Variants in ZMYM4 observed in about 807,000 individuals in gnomAD.
ZMYM4 encodes zinc finger MYM-type protein 4.
ZMYM4 carries 31 observed loss-of-function variants against 183.2 expected under a neutral mutation model. That is an observed-to-expected ratio of 0.17 (90% CI 0.13 to 0.23). ZMYM4 has a LOEUF of 0.23. Ranked by LOEUF, ZMYM4 falls within the 10% of genes least tolerant of loss-of-function variation. The probability of loss-of-function intolerance (pLI) is 1.00; values close to 1 mark genes in which losing one functional copy is unlikely to be tolerated. For synonymous variants in ZMYM4, 592 were observed against 631.2 expected (o/e 0.94, Z 0.93); for missense variants, 1,273 against 1,840.3 (o/e 0.69, Z 5.64).
At chr1:35,294,186 G>A (rs1382380800) in intron 1 of ZMYM4, among the ~76,000 whole-genome samples, 1 of 151,256 alleles carries the variant, frequency 6.6e-6, no homozygotes, top group African/African-American at 2.4e-5. Flanking sequence ...CTTTCATTCA[G>A]TCTTTTCTCT....
At chr1:35,352,646 C>G (rs974008923) in intron 2 of ZMYM4, among the ~76,000 whole-genome samples, 2 of 152,192 alleles carry the variant, frequency 1.3e-5, no homozygotes, top group Admixed American at 1.3e-4. Flanking sequence ...TCAGTCATCT[C>G]AGCAGCATTC....
chr1:35,325,398 A>G lies in ZMYM4; in HGVS notation c.78A>G (p.Val26=). The change falls in exon 2 of 30, where the codon GTA becomes GTG. Residue 26 remains valine, a synonymous_variant. Transcript: ENST00000314607. ...GTGGTGCAGTTTTTGATGAAATTGT[A>G]GAGAACTGTAAGTACCATTTGAGAA... ...QKSGAVFDEI[V]ENCGGIMDTE... 1 of 1,604,340 alleles carries G rather than the reference A, an allele frequency of 6.2e-7. No individual in the cohort carries two copies. Among genetic ancestry groups the G allele is most frequent in the Non-Finnish European group, 8.5e-7 (1 of 1,175,032 alleles).
chr1:35,308,252 A>G (rs1382047735), intron 1 of ZMYM4, among the ~76,000 whole-genome samples: 2 of 152,184 alleles, frequency 1.3e-5, no homozygotes, highest in East Asian at 1.9e-4. Flanking sequence ...TCAGCCTCCC[A>G]AAGTGCTGGG....
chr1:35,306,701 G>A (rs1641548916), intron 1 of ZMYM4, among the ~76,000 whole-genome samples: 1 of 152,114 alleles, frequency 6.6e-6, no homozygotes, highest in Non-Finnish European at 1.5e-5. Context: ...TATATATTTA[G>A]TTTTATGTCT....
chr1:35,315,918 C>T (rs920462364), intron 1 of ZMYM4, among the ~76,000 whole-genome samples: 1 of 151,852 alleles, frequency 6.6e-6, no homozygotes, highest in Non-Finnish European at 1.5e-5. Context: ...AGAGTGAGTC[C>T]CTGTCTGGGG....
chr1:35,334,282 G>T (rs572138774), intron 2 of ZMYM4, among the ~76,000 whole-genome samples: 4 of 152,126 alleles, frequency 2.6e-5, no homozygotes, highest in Non-Finnish European at 5.9e-5. Context: ...TTATGCCACT[G>T]CACGCCAGCC....
intron 1 of ZMYM4, among the ~76,000 whole-genome samples, chr1:35,274,416 A>G (rs1040770872): frequency 1.3e-5 from 2 of 152,090 alleles, no homozygotes; most frequent in Non-Finnish European, 1.5e-5. Flanking sequence ...ACCATCCTGG[A>G]CAACATAGCA....
Position 35,406,295 on chromosome 1 carries a change from A to G in ZMYM4, c.3796+827A>G, listed in dbSNP as rs115786811. ...AATGTAATCTGTCTGCTCCAAAGCT[A>G]TGTAAATACACTCCTGTTGTGGAGA... On this transcript the variant is annotated intron_variant, in intron 25 of 29. Coordinates refer to ENST00000314607, the MANE Select transcript of ZMYM4 (RefSeq NM_005095.3). Among the ~76,000 whole-genome samples, 366 of 152,314 alleles carry G rather than the reference A, an allele frequency of 2.4e-3. 2 individuals carry two copies. Among genetic ancestry groups the G allele is most frequent in the African/African-American group, 7.8e-3 (324 of 41,562 alleles).
chr1:35,342,491 G>A (rs1460446905), intron 2 of ZMYM4, among the ~76,000 whole-genome samples: 1 of 152,082 alleles, frequency 6.6e-6, no homozygotes, highest in African/African-American at 2.4e-5. Context: ...AACTGTAAGC[G>A]TTTTGTGGGG....
intron 29 of ZMYM4, 141 bp downstream of exon 29, chr1:35,418,713 T>C (rs1030336602): frequency 3.7e-5 from 38 of 1,014,634 alleles, no homozygotes; most frequent in Non-Finnish European, 4.9e-5. Context: ...CATTGTCATA[T>C]CTATGTGGAT....
rs185082857 is a variant in ZMYM4 at position 35,347,380 on chromosome 1, A to C, written c.86-11545A>C. ...GTATGAGCTCTAGTAGAAGTGGTTTATTCTGTTAATGAACTTATGAGAGTA... is the reference window on the plus strand; with the variant it reads ...GTATGAGCTCTAGTAGAAGTGGTTTCTTCTGTTAATGAACTTATGAGAGTA... On this transcript the variant is annotated intron_variant, in intron 2 of 29. Transcript: ENST00000314607. Among the ~76,000 whole-genome samples the C allele has an allele frequency of 9.8e-5, 15 of 152,334 alleles. No homozygotes were observed. The Middle Eastern group carries it at 0.01, about 104-fold the overall frequency.
chr1:35,403,721 A>G (rs1434987630), intron 23 of ZMYM4, among the ~76,000 whole-genome samples: 3 of 137,148 alleles, frequency 2.2e-5, no homozygotes, highest in Admixed American at 1.5e-4. Flanking sequence ...TTCTTTAACT[A>G]TGATAGAATT....
In ZMYM4 at chr1:35,413,952, TTC is replaced by T; in HGVS notation, c.3949-18_3949-17del. ...TTTTCTTTTTATCAACATGTATATT[TTC>T]TTTTTTTTTTCTTGTAGTACCTGTT... On this transcript the variant is annotated intron_variant, in intron 26 of 29. Transcript: ENST00000314607. The T allele has an allele frequency of 3.0e-6, 4 of 1,323,900 alleles. No homozygotes were observed. Among genetic ancestry groups the T allele is most frequent in the South Asian group, 1.3e-5 (1 of 75,564 alleles). 82.0% of individuals were successfully genotyped at this position (1,323,900 alleles called of 1,614,324 possible). A position where few individuals can be genotyped will look rare whatever the true frequency, so the allele number is the denominator to read the frequency against.
intron 26 of ZMYM4, among the ~76,000 whole-genome samples, chr1:35,410,655 A>AT (rs750280057): frequency 2.0e-3 from 258 of 132,174 alleles, no homozygotes; most frequent in East Asian, 8.7e-3. Flanking sequence ...CACCTGGCTC[A>AT]TTTTTTTTTT....
Position 35,405,189 on chromosome 1 carries a change from G to A in ZMYM4, c.3695G>A (p.Cys1232Tyr), listed in dbSNP as rs1304550924. ...NAKEEQGDLK[C>Y]GGVEQASSSP... ...AAGGAAGAGCAGGGGGATCTAAAATGTGGAGGTAAGTGCACAGCATGAATT... is the reference window on the plus strand; with the variant it reads ...AAGGAAGAGCAGGGGGATCTAAAATATGGAGGTAAGTGCACAGCATGAATT... Residue 1232 changes from cysteine (C) to tyrosine (Y), a missense_variant, in exon 24 of 30, where the codon TGT becomes TAT. Transcript: ENST00000314607. The A allele has an allele frequency of 1.2e-6, 2 of 1,613,878 alleles. No individual in the cohort carries two copies. The highest frequency in any genetic ancestry group is 4.5e-5 in the East Asian group (2 of 44,868).
At chr1:35,396,793 T>C (rs1036650227) in intron 19 of ZMYM4, 123 bp downstream of exon 19, 6 of 1,132,400 alleles carry the variant, frequency 5.3e-6, no homozygotes, top group Non-Finnish European at 7.2e-6. Flanking sequence ...TTGGCTGTTA[T>C]CATATTCCCA....
At chr1:35,365,152 A>G (rs1307956882) in intron 5 of ZMYM4, among the ~76,000 whole-genome samples, 4 of 150,964 alleles carry the variant, frequency 2.6e-5, no homozygotes, top group African/African-American at 9.7e-5. Flanking sequence ...GTTAACATTT[A>G]TAGGTGAGAG....
At chr1:35,417,111 C>A (rs1372941411) in intron 28 of ZMYM4, among the ~76,000 whole-genome samples, 1 of 151,976 alleles carries the variant, frequency 6.6e-6, no homozygotes, top group East Asian at 1.9e-4. Context: ...ATGGCTCATG[C>A]TTGTAATCCC....
At chr1:35,300,824 A>G (rs1385380403) in intron 1 of ZMYM4, among the ~76,000 whole-genome samples, 2 of 152,112 alleles carry the variant, frequency 1.3e-5, no homozygotes, top group Non-Finnish European at 1.5e-5. Context: ...TATATTTATA[A>G]TAGTTCTTTT....
Sources: allele counts gnomAD v4.1 joint callset (sites outside exome capture counted in the v4.1 genomes callset), GRCh38; gene constraint gnomAD v4.1.1; transcripts MANE v1.5; gene names NCBI Gene and HGNC (gene_info 2026-07-23, HGNC 2026-07-21).